BEND5: variants seen among roughly 807,000 people sequenced by gnomAD.
BEND5 encodes the protein BEN domain containing 5.
A neutral mutation model predicts 43.9 loss-of-function variants in BEND5; 22 were observed. That is an observed-to-expected ratio of 0.50 (90% CI 0.36 to 0.72). The LOEUF is 0.72. BEND5 is among the 30% of genes least tolerant of loss of function. BEND5 has a pLI of 0.00. For missense variants in BEND5, 428 were observed against 550.6 expected, an observed-to-expected ratio of 0.78 and a Z score of 2.23; for synonymous variants, 228 against 225.9, an observed-to-expected ratio of 1.01 and a Z score of -0.08.
chr1:48,756,003 A>T (rs1269048227), intron 3 of BEND5, among the ~76,000 whole-genome samples: 1 of 152,186 alleles, frequency 6.6e-6, no homozygotes, highest in Non-Finnish European at 1.5e-5. Flanking sequence ...GGGGTGCCCG[A>T]GTTAAAAGCC....
At chr1:48,753,300 G>A (rs1461514587) in intron 3 of BEND5, among the ~76,000 whole-genome samples, 1 of 152,204 alleles carries the variant, frequency 6.6e-6, no homozygotes, top group Non-Finnish European at 1.5e-5. Context: ...CCTGAGAAGG[G>A]TTAAACAAAT....
chr1:48,752,437 A>G (rs1428690465), intron 3 of BEND5, among the ~76,000 whole-genome samples: 2 of 152,242 alleles, frequency 1.3e-5, no homozygotes, highest in African/African-American at 4.8e-5. Flanking sequence ...GACAAATTCT[A>G]TAAGCTACAG....
Position 48,742,800 on chromosome 1 carries a change from A to G in BEND5, c.746-29T>C, listed in dbSNP as rs189249502. 1.5e-5 allele frequency: 23 copies of G among 1,499,960 alleles called. No individual in the cohort carries two copies. In the Admixed American group the frequency reaches 4.4e-4, roughly 29 times the overall value. The allele number at this position is 1,499,960 out of a possible 1,614,324, so 92.9% of individuals were successfully genotyped here. ...GGCAGTTAAGAAAAGAAATCTGTCT[A>G]GAACTCCAAGGAAAATAAAAGGCAA... On this transcript the variant is annotated intron_variant, in intron 3 of 5. Coordinates refer to ENST00000371833, the MANE Select transcript of BEND5 (RefSeq NM_024603.4).
chr1:48,770,393 G>T (rs768595305), intron 1 of BEND5, among the ~76,000 whole-genome samples: 2 of 152,160 alleles, frequency 1.3e-5, no homozygotes, highest in Non-Finnish European at 2.9e-5. Flanking sequence ...ACCTATCTCT[G>T]CTGGTTATCC....
At position 48,776,681 on chromosome 1, in the gene BEND5, G is replaced by A. The variant is rs551667835; in HGVS notation, c.151C>T (p.Pro51Ser). 2 of 1,511,918 alleles carry A rather than the reference G, an allele frequency of 1.3e-6. No homozygotes were observed. Among genetic ancestry groups the A allele is most frequent in the African/African-American group, 2.9e-5 (2 of 68,798 alleles). 93.7% of individuals were successfully genotyped at this position (1,511,918 alleles called of 1,614,324 possible). A position where few individuals can be genotyped will look rare whatever the true frequency, so the allele number is the denominator to read the frequency against. ...CGGGGGGCGCGCGGGGGGCTCTCGGGCCCGGCGCCCAATTCCTCCGGGCCC... is the reference window on the plus strand; with the variant it reads ...CGGGGGGCGCGCGGGGGGCTCTCGGACCCGGCGCCCAATTCCTCCGGGCCC... ...YRGPEELGAG[P>S]ESPPRAPRDW... Residue 51 changes from proline to serine, a missense_variant, in exon 1 of 6, where the codon CCC becomes TCC. Pro to Ser is a moderately conservative substitution (Grantham distance 74). Around this residue, in one of 4 missense-constraint regions of BEND5, gnomAD observed 107 missense variants for 98.8 expected, o/e 1.08. Coordinates refer to ENST00000371833, the MANE Select transcript of BEND5 (RefSeq NM_024603.4).
intron 5 of BEND5, among the ~76,000 whole-genome samples, chr1:48,735,917 AC>A (rs1356785575): frequency 6.6e-6 from 1 of 151,904 alleles, no homozygotes; most frequent in African/African-American, 2.4e-5. Context: ...CAGTTCAGTG[AC>A]CCCCGTCCCC....
At chr1:48,729,752 G>C (rs998161792) in intron 5 of BEND5, among the ~76,000 whole-genome samples, 2 of 151,236 alleles carry the variant, frequency 1.3e-5, no homozygotes, top group Admixed American at 6.6e-5. Flanking sequence ...TTCTTTCTCT[G>C]AGGCACCCTT....
At chr1:48,746,552 T>G (rs947106986) in intron 3 of BEND5, among the ~76,000 whole-genome samples, 1 of 152,248 alleles carries the variant, frequency 6.6e-6, no homozygotes, top group East Asian at 1.9e-4. Flanking sequence ...AATTTCTCAC[T>G]CAGCACCATT....
intron 3 of BEND5, among the ~76,000 whole-genome samples, chr1:48,751,855 A>G (rs937556061): frequency 6.6e-6 from 1 of 152,168 alleles, no homozygotes; most frequent in African/African-American, 2.4e-5. Context: ...CTAGGGAGAA[A>G]GGGGAAGGAG....
At chr1:48,733,221 T>C (rs1648439736) in intron 5 of BEND5, among the ~76,000 whole-genome samples, 1 of 152,028 alleles carries the variant, frequency 6.6e-6, no homozygotes, top group African/African-American at 2.4e-5. Flanking sequence ...ATCAAATATA[T>C]TTACATGATG....
At chr1:48,766,253 CA>C (rs1644523445) in intron 1 of BEND5, among the ~76,000 whole-genome samples, 1 of 151,898 alleles carries the variant, frequency 6.6e-6, no homozygotes, top group Admixed American at 6.6e-5. Context: ...CTCAAAGAAA[CA>C]AAACTCTCCT....
intron 1 of BEND5, among the ~76,000 whole-genome samples, chr1:48,774,498 G>A (rs554062648): frequency 6.6e-6 from 1 of 152,166 alleles, no homozygotes; most frequent in East Asian, 1.9e-4. Context: ...CTCCTCCCAA[G>A]AAAAAAACTG....
intron 3 of BEND5, among the ~76,000 whole-genome samples, chr1:48,747,340 C>T (rs1260733678): frequency 6.6e-6 from 1 of 152,092 alleles, no homozygotes; most frequent in Non-Finnish European, 1.5e-5. Context: ...GGAAAGAAAA[C>T]TCTCAGCTGG....
At position 48,736,215 on chromosome 1, in the gene BEND5, T is replaced by C. The variant is rs139843218; in HGVS notation, c.1108+24A>G. 1.1e-5 allele frequency: 17 copies of C among 1,595,754 alleles called. No homozygotes were observed. Among genetic ancestry groups the C allele is most frequent in the Middle Eastern group, 3.3e-4 (2 of 6,024 alleles). ...AGAGTAAAAGACAGAATCCCAGCCA[T>C]TGTGTTTCCACTCAGTGACCTACCT... is the stretch of plus-strand genomic sequence containing the variant. On this transcript the variant is annotated intron_variant, in intron 5 of 5. Coordinates refer to ENST00000371833, the MANE Select transcript of BEND5 (RefSeq NM_024603.4). The surrounding 1 kb of genome is among the most constrained non-coding windows in gnomAD (Gnocchi z 4.0).
At chr1:48,769,526 A>AACAC (rs558937968) in intron 1 of BEND5, among the ~76,000 whole-genome samples, 34,784 of 129,930 alleles carry the variant, frequency 0.27, 5,257 homozygotes, top group Non-Finnish European at 0.35. Flanking sequence ...GAGGATTTAA[A>AACAC]ACACACACAC....
At chr1:48,728,423 T>C (rs190556673) in intron 5 of BEND5, among the ~76,000 whole-genome samples, 3 of 151,746 alleles carry the variant, frequency 2.0e-5, no homozygotes, top group South Asian at 2.1e-4. Context: ...TTAAATAAAA[T>C]AGTTTATTTT....
At chr1:48,771,615 CTAAAT>C (rs965117480) in intron 1 of BEND5, among the ~76,000 whole-genome samples, 6 of 152,160 alleles carry the variant, frequency 3.9e-5, no homozygotes, top group African/African-American at 1.4e-4. Context: ...ATGTCAAAAC[CTAAAT>C]TAAAAGTTTT....
At chr1:48,776,568 G>A (rs1645098530) in intron 1 of BEND5, 38 bp downstream of exon 1, 3 of 476,940 alleles carry the variant, frequency 6.3e-6, no homozygotes, top group Admixed American at 5.8e-5. Flanking sequence ...CCCAGCCCCC[G>A]CCCGGGTCCC....
At chr1:48,729,081 T>C (rs1360916067) in intron 5 of BEND5, among the ~76,000 whole-genome samples, 1 of 152,122 alleles carries the variant, frequency 6.6e-6, no homozygotes, top group Non-Finnish European at 1.5e-5. Context: ...CCTCACTTCA[T>C]AAATAAGGAT....
Sources: allele counts gnomAD v4.1 joint callset (sites outside exome capture counted in the v4.1 genomes callset), GRCh38; gene constraint gnomAD v4.1.1; regional missense constraint gnomAD v4.1.1; non-coding constraint Gnocchi (gnomAD v3.1); transcripts MANE v1.5; gene names NCBI Gene and HGNC (gene_info 2026-07-23, HGNC 2026-07-21).